Variants in PIEZO1 observed in about 807,000 individuals in gnomAD.
PIEZO1 encodes the protein piezo type mechanosensitive ion channel component 1 (Er blood group).
In PIEZO1, 296 loss-of-function variants were observed where a neutral mutation model predicts 297.2. The ratio of observed to expected loss-of-function variants is 1.00; its 90% confidence interval spans 0.91 to 1.10. The LOEUF (loss-of-function observed/expected upper bound fraction) is 1.10, where lower values mean the gene tolerates loss of function less well. Ranked by LOEUF, PIEZO1 falls within the 50% of genes least tolerant of loss-of-function variation. The pLI is 0.00. For synonymous variants in PIEZO1, 2,427 were observed against 1,507.5 expected (o/e 1.61, Z -14.13); for missense variants, 5,018 against 3,455.5 (o/e 1.45, Z -11.34).
chr16:88,735,293 C>G (rs919916130), intron 12 of PIEZO1, 47 bp from the exon 13 acceptor site: 5 of 1,350,600 alleles, frequency 3.7e-6, no homozygotes, highest in Admixed American at 2.0e-5. Context: ...GCCCAGCACC[C>G]CTCCCACAGC....
Position 88,731,855 on chromosome 16 carries a change from G to T in PIEZO1, c.3047C>A (p.Thr1016Asn). The change falls in exon 22 of 51, where the codon ACC becomes AAC. Residue 1016 changes from threonine (T) to asparagine (N), a missense_variant. Transcript: ENST00000301015. ...GGCCACCAGCCAGCAACCGTGCAGG[G>T]TCACCAGAAAGTTCATGCGCTGCCC... Reference protein sequence around the residue: ...VIGQRMNFLVTLHGCWLVAIL... With the variant: ...VIGQRMNFLVNLHGCWLVAIL... 1 of 1,429,400 alleles carries T rather than the reference G, an allele frequency of 7.0e-7. No individual in the cohort carries two copies. Among genetic ancestry groups the T allele is most frequent in the Non-Finnish European group, 9.2e-7 (1 of 1,084,604 alleles). 88.5% of individuals were successfully genotyped at this position (1,429,400 alleles called of 1,614,324 possible). A position where few individuals can be genotyped will look rare whatever the true frequency, so the allele number is the denominator to read the frequency against.
intron 22 of PIEZO1, among the ~76,000 whole-genome samples, chr16:88,730,562 T>C (rs932340302): frequency 2.1e-5 from 3 of 140,900 alleles, no homozygotes; most frequent in African/African-American, 5.5e-5. Flanking sequence ...TGTGCCAGTG[T>C]ACTCCAGCCT....
intron 2 of PIEZO1, among the ~76,000 whole-genome samples, chr16:88,747,520 A>G (rs1266907651): frequency 6.6e-6 from 1 of 152,224 alleles, no homozygotes; most frequent in Non-Finnish European, 1.5e-5. Context: ...CATCTCAAAA[A>G]AAATAAATAA....
chr16:88,754,721 C>T (rs552133567), intron 1 of PIEZO1, among the ~76,000 whole-genome samples: 11 of 152,336 alleles, frequency 7.2e-5, no homozygotes, highest in African/African-American at 2.2e-4. Flanking sequence ...GTGAAACAGC[C>T]GGTGCGGCCT....
chr16:88,765,435 G>C (rs552748297), intron 1 of PIEZO1, among the ~76,000 whole-genome samples: 1 of 152,300 alleles, frequency 6.6e-6, no homozygotes, highest in African/African-American at 2.4e-5. Context: ...GGAGACTGGG[G>C]TCTGGTCCTA....
chr16:88,732,882 G>A (rs1028268639), intron 19 of PIEZO1, 150 bp from the exon 20 acceptor site: 3 of 741,478 alleles, frequency 4.0e-6, no homozygotes, highest in African/African-American at 3.5e-5. Context: ...ACCTTCACGG[G>A]GAAGGGGACC....
In PIEZO1 at chr16:88,782,161, G is replaced by A. The variant is rs1210038546; in HGVS notation, c.64+2740C>T. ...GACAGGGTCTGTCACCCAGGCTGGAGTGCAGTCATACAATCATGGCTCACT... is the reference window on the plus strand; with the variant it reads ...GACAGGGTCTGTCACCCAGGCTGGAATGCAGTCATACAATCATGGCTCACT... On this transcript the variant is annotated intron_variant, in intron 1 of 50. Coordinates refer to ENST00000301015, the MANE Select transcript of PIEZO1 (RefSeq NM_001142864.4). 2.6e-5 allele frequency among the ~76,000 whole-genome samples: 4 copies of A among 152,184 alleles called. No individual in the cohort carries two copies. In the East Asian group the frequency reaches 7.7e-4, roughly 29 times the overall value.
At chr16:88,743,482 C>A (rs1369391216) in intron 2 of PIEZO1, 1 of 450,622 alleles carries the variant, frequency 2.2e-6, no homozygotes, top group African/African-American at 2.0e-5. Context: ...TCCTGGAGCT[C>A]AGGGACAGGT....
intron 1 of PIEZO1, among the ~76,000 whole-genome samples, chr16:88,762,257 C>G (rs553770743): frequency 6.6e-6 from 1 of 152,292 alleles, no homozygotes; most frequent in Non-Finnish European, 1.5e-5. Flanking sequence ...AGAAAGGGCC[C>G]CCGCTGGCCT....
rs1904285501 is a variant in PIEZO1, at chr16:88,722,319, G to A, written c.4854C>T (p.Arg1618=). 6.5e-7 allele frequency: 1 copy of A among 1,546,566 alleles called. No homozygotes were observed. The highest frequency in any genetic ancestry group is 2.4e-5 in the East Asian group (1 of 40,882). Residue 1618 remains arginine, a synonymous_variant, in exon 36 of 51, where the codon CGC becomes CGT. Transcript: ENST00000301015. ...GSPLSTGYHT[R]SGSEEAVTDP... ...CGGTGACTGCCTCCTCACTGCCACTGCGCGTGTGGTAGCCGGTGCTCAGGG... is the reference window on the plus strand; with the variant it reads ...CGGTGACTGCCTCCTCACTGCCACTACGCGTGTGGTAGCCGGTGCTCAGGG...
chr16:88,741,953 T>C (rs1212394630), intron 4 of PIEZO1, 100 bp downstream of exon 4: 5 of 1,328,954 alleles, frequency 3.8e-6, no homozygotes, highest in Non-Finnish European at 5.2e-6. Flanking sequence ...TGTGGATGAG[T>C]CTCCAGGTCC....
intron 22 of PIEZO1, among the ~76,000 whole-genome samples, chr16:88,730,222 G>T (rs946053616): frequency 6.6e-5 from 10 of 152,242 alleles, no homozygotes; most frequent in Non-Finnish European, 1.5e-4. Context: ...ACTCGATTGG[G>T]CTCCCTGGAG....
At chr16:88,738,488 C>T (rs2142834575) in intron 6 of PIEZO1, 48 bp from the exon 7 acceptor site, 3 of 1,525,194 alleles carry the variant, frequency 2.0e-6, no homozygotes, top group South Asian at 2.4e-5. Flanking sequence ...TGCCATGTGT[C>T]CCGCTGTCTC....
rs1006453580 is a variant in PIEZO1, at chr16:88,738,643, G to A, written c.559C>T (p.Arg187Cys). 86 of 1,535,576 alleles carry A rather than the reference G, an allele frequency of 5.6e-5. 1 individual carries two copies. The East Asian group carries it at 1.8e-3, about 33-fold the overall frequency. Reference sequence around the variant, plus strand: ...AGCCAGTGGGCCGTGACTCGGAAACGAGCGGCCAGCCGTGACCTCCGTGTA... The same window carrying A: ...AGCCAGTGGGCCGTGACTCGGAAACAAGCGGCCAGCCGTGACCTCCGTGTA... ...APTRRSRLAA[R>C]FRVTAHWLLV... The change falls in exon 6 of 51, where the codon CGT becomes TGT. Residue 187 changes from arginine (R) to cysteine (C), a missense_variant. By Grantham distance (180) the Arg-to-Cys change is radical. Coordinates refer to ENST00000301015, the MANE Select transcript of PIEZO1 (RefSeq NM_001142864.4).
At position 88,726,426 on chromosome 16, in the gene PIEZO1, A is replaced by T; in HGVS notation, c.3826T>A (p.Cys1276Ser). 1 of 1,550,498 alleles carries T rather than the reference A, an allele frequency of 6.4e-7. No homozygotes were observed. Among genetic ancestry groups the T allele is most frequent in the Non-Finnish European group, 8.7e-7 (1 of 1,146,924 alleles). Residue 1276 changes from cysteine to serine, a missense_variant, in exon 27 of 51, where the codon TGC becomes AGC. Transcript: ENST00000301015. The part of the protein sequence containing the change: ...PKEMMDRDQD[C>S]LLPVEEAGII... ...CCAGCCTCCTCCACAGGCAGCAGGC[A>T]GTCCTGGTCTCTGTCCATCATCTCC...
At chr16:88,753,472 T>G (rs936618428) in intron 1 of PIEZO1, among the ~76,000 whole-genome samples, 1 of 151,528 alleles carries the variant, frequency 6.6e-6, no homozygotes, top group Admixed American at 6.6e-5. Context: ...AGAAGGGGGC[T>G]CAGGGTCACA....
chr16:88,779,811 G>A (rs1267231826), intron 1 of PIEZO1, among the ~76,000 whole-genome samples: 1 of 152,178 alleles, frequency 6.6e-6, no homozygotes, highest in African/African-American at 2.4e-5. Context: ...AGGCCCGACG[G>A]ACCCCCGGCC....
chr16:88,769,810 G>A (rs970690845), intron 1 of PIEZO1, among the ~76,000 whole-genome samples: 1 of 152,220 alleles, frequency 6.6e-6, no homozygotes, highest in African/African-American at 2.4e-5. Context: ...GCGGGGCCAG[G>A]ACGAGCCTCA....
chr16:88,725,089 G>T lies in PIEZO1; in HGVS notation c.4163-9C>A. 6.6e-7 allele frequency: 1 copy of T among 1,506,914 alleles called. No homozygotes were observed. The allele number at this position is 1,506,914 out of a possible 1,614,324, so 93.3% of individuals were successfully genotyped here. On this transcript the variant is annotated splice_polypyrimidine_tract_variant and intron_variant, in intron 29 of 50. Transcript: ENST00000301015. ...CCCTGGACTGTCGGGCCCTGTGGAG[G>T]GGCAGGGTGAGCATGAGGCAGCAGT...
Sources: gnomAD v4.1 joint callset for allele counts (sites outside exome capture counted in the v4.1 genomes callset) on GRCh38, gnomAD v4.1.1 for gene constraint, MANE v1.5 for transcripts, NCBI Gene and HGNC (gene_info 2026-07-23, HGNC 2026-07-21) for gene names.